The following SLX4IP variants were observed in gnomAD, a reference collection of about 807,000 sequenced individuals.
The protein encoded by SLX4IP is SLX4 interacting protein.
In SLX4IP, 34 loss-of-function variants were observed where a neutral mutation model predicts 32.9. The observed-to-expected ratio is 1.03, with a 90% CI of 0.79 to 1.38. The LOEUF is 1.38. Ranked by LOEUF, SLX4IP falls within the 40% of genes most tolerant of loss-of-function variation. SLX4IP has a pLI of 0.00. For missense variants in SLX4IP, 444 were observed against 479.0 expected, an observed-to-expected ratio of 0.93 and a Z score of 0.68; for synonymous variants, 172 against 171.7, an observed-to-expected ratio of 1.00 and a Z score of -0.01.
At chr20:10,532,923 C>T (rs1374569475) in intron 2 of SLX4IP, among the ~76,000 whole-genome samples, 1 of 151,940 alleles carries the variant, frequency 6.6e-6, no homozygotes, top group Admixed American at 6.6e-5. Flanking sequence ...TTACAGATGT[C>T]TGCCACTATG....
chr20:10,512,484 C>T (rs1055295808), intron 2 of SLX4IP, among the ~76,000 whole-genome samples: 17 of 150,660 alleles, frequency 1.1e-4, no homozygotes, highest in Non-Finnish European at 2.4e-4. Context: ...AATCATACCT[C>T]TTCTGGGCTC....
intron 2 of SLX4IP, among the ~76,000 whole-genome samples, chr20:10,468,994 G>A (rs1172717092): frequency 6.6e-6 from 1 of 151,680 alleles, no homozygotes; most frequent in South Asian, 2.1e-4. Flanking sequence ...AATTGTCTTG[G>A]GCCACACATA....
At chr20:10,597,088 T>C (rs1399893189) in intron 4 of SLX4IP, among the ~76,000 whole-genome samples, 1 of 152,256 alleles carries the variant, frequency 6.6e-6, no homozygotes, top group Non-Finnish European at 1.5e-5. Context: ...TGGTCACTCA[T>C]GTCCTGGGTC....
chr20:10,509,843 C>T (rs1410726923), intron 2 of SLX4IP, among the ~76,000 whole-genome samples: 1 of 152,136 alleles, frequency 6.6e-6, no homozygotes, highest in African/African-American at 2.4e-5. Context: ...TGTGTACCAC[C>T]ATGCCTAACT....
intron 2 of SLX4IP, among the ~76,000 whole-genome samples, chr20:10,468,434 G>T (rs898970092): frequency 2.0e-5 from 3 of 152,104 alleles, no homozygotes; most frequent in African/African-American, 7.2e-5. Flanking sequence ...TTGTTTAAAT[G>T]GATCTAATCT....
intron 2 of SLX4IP, among the ~76,000 whole-genome samples, chr20:10,497,433 T>C (rs2065677664): frequency 2.0e-5 from 3 of 152,206 alleles, no homozygotes; most frequent in Admixed American, 6.5e-5. Context: ...TCTTTTTTGC[T>C]TTGTACTCAA....
At chr20:10,506,081 C>T (rs989962735) in intron 2 of SLX4IP, among the ~76,000 whole-genome samples, 2 of 152,150 alleles carry the variant, frequency 1.3e-5, no homozygotes, top group African/African-American at 4.8e-5. Flanking sequence ...ACATGATCAG[C>T]ATGTTGAAAC....
chr20:10,566,973 C>T (rs2066402171), intron 4 of SLX4IP, among the ~76,000 whole-genome samples: 1 of 152,118 alleles, frequency 6.6e-6, no homozygotes, highest in African/African-American at 2.4e-5. Context: ...TGTCATCTAC[C>T]CACCATCACT....
chr20:10,504,968 A>G (rs1460594573), intron 2 of SLX4IP, among the ~76,000 whole-genome samples: 1 of 152,084 alleles, frequency 6.6e-6, no homozygotes, highest in Non-Finnish European at 1.5e-5. Context: ...AAAAAAAAAA[A>G]TTTAATGAAG....
At chr20:10,548,123 G>A (rs2066181462) in intron 2 of SLX4IP, among the ~76,000 whole-genome samples, 1 of 152,224 alleles carries the variant, frequency 6.6e-6, no homozygotes, top group South Asian at 2.1e-4. Context: ...ACTGACAGTA[G>A]AGAAAGGAGG....
intron 4 of SLX4IP, among the ~76,000 whole-genome samples, chr20:10,564,799 A>G (rs1347850569): frequency 1.3e-5 from 2 of 152,184 alleles, no homozygotes; most frequent in Non-Finnish European, 2.9e-5. Context: ...TTAATGGTAT[A>G]AGGCTTTTTA....
chr20:10,460,030 A>C (rs1300259123), intron 2 of SLX4IP, among the ~76,000 whole-genome samples: 1 of 152,194 alleles, frequency 6.6e-6, no homozygotes, highest in Non-Finnish European at 1.5e-5. Flanking sequence ...ATTTACTAAC[A>C]TATTTATAAA....
At chr20:10,453,570 T>C (rs1326308654) in intron 1 of SLX4IP, among the ~76,000 whole-genome samples, 1 of 152,170 alleles carries the variant, frequency 6.6e-6, no homozygotes, top group Non-Finnish European at 1.5e-5. Flanking sequence ...TTATAAGAGC[T>C]TGCATAAGAA....
chr20:10,456,238 C>T (rs892336496), intron 1 of SLX4IP, among the ~76,000 whole-genome samples: 4 of 152,320 alleles, frequency 2.6e-5, no homozygotes, highest in African/African-American at 9.6e-5. Flanking sequence ...AATCCTACAT[C>T]TGAAGCACTT....
At chr20:10,526,020 C>T (rs1325749013) in intron 2 of SLX4IP, among the ~76,000 whole-genome samples, 2 of 152,180 alleles carry the variant, frequency 1.3e-5, no homozygotes, top group African/African-American at 4.8e-5. Flanking sequence ...ATGGAGTCCT[C>T]TCCCTGCTCA....
intron 2 of SLX4IP, among the ~76,000 whole-genome samples, chr20:10,516,668 A>G (rs2065852341): frequency 6.6e-6 from 1 of 152,242 alleles, no homozygotes; most frequent in Admixed American, 6.5e-5. Context: ...CATCAAAGAC[A>G]GCTGTGATAG....
At chr20:10,604,035 T>G (rs1410451093) in intron 6 of SLX4IP, among the ~76,000 whole-genome samples, 1 of 152,246 alleles carries the variant, frequency 6.6e-6, no homozygotes, top group African/African-American at 2.4e-5. Context: ...ACTTGTTCCA[T>G]ACTTCAAATG....
intron 4 of SLX4IP, among the ~76,000 whole-genome samples, chr20:10,581,957 C>G (rs2066592044): frequency 6.6e-6 from 1 of 152,030 alleles, no homozygotes; most frequent in African/African-American, 2.4e-5. Flanking sequence ...TGAGTAATGC[C>G]TTGAAAATAT....
At chr20:10,496,566 C>G (rs2065669462) in intron 2 of SLX4IP, among the ~76,000 whole-genome samples, 1 of 152,068 alleles carries the variant, frequency 6.6e-6, no homozygotes, top group Admixed American at 6.6e-5. Context: ...AACTTGGGGG[C>G]TTTTCCTCAT....
Sources: gnomAD v4.1 joint callset for allele counts (sites outside exome capture counted in the v4.1 genomes callset) on GRCh38, gnomAD v4.1.1 for gene constraint, MANE v1.5 for transcripts, NCBI Gene and HGNC (gene_info 2026-07-23, HGNC 2026-07-21) for gene names.